Variants in BTNL9 observed in about 807,000 individuals in gnomAD.
The protein encoded by BTNL9 is butyrophilin like 9.
Under a neutral mutation model 45.8 loss-of-function variants are expected in BTNL9, and 45 were observed. The observed-to-expected ratio is 0.98, with a 90% CI of 0.77 to 1.26. BTNL9 has a LOEUF of 1.26. Ranked by LOEUF, BTNL9 falls within the 50% of genes most tolerant of loss-of-function variation. BTNL9 has a pLI of 0.00. For synonymous variants in BTNL9, 346 were observed against 330.8 expected (o/e 1.05, Z -0.50); for missense variants, 784 against 729.7 (o/e 1.07, Z -0.86).
Position 181,060,770 on chromosome 5 carries a change from T to TC in BTNL9, c.*908_*909insC, listed in dbSNP as rs1762112341. On this transcript the variant is annotated 3_prime_UTR_variant, in exon 11 of 11. Coordinates refer to ENST00000327705, the MANE Select transcript of BTNL9 (RefSeq NM_152547.5). ...GACATCTACCAGATCATCCAAGTGA[T>TC]TAAATTTAACATCATCAATGATGGG... is the stretch of plus-strand genomic sequence containing the variant. 6.6e-6 allele frequency: 1 copy of TC among 152,104 alleles called. No homozygotes were observed. The highest frequency in any genetic ancestry group is 2.4e-5 in the African/African-American group (1 of 41,400). The allele number at this position is 152,104 out of a possible 1,614,324, so 9.4% of individuals were successfully genotyped here.
At chr5:181,040,545 A>T (rs1281124985) in intron 1 of BTNL9, 113 bp downstream of exon 1, 1 of 152,204 alleles carries the variant, frequency 6.6e-6, no homozygotes, top group African/African-American at 2.4e-5. Flanking sequence ...CCATTTTATT[A>T]TCCGAGCTTG....
rs758600471 is a variant in BTNL9 at position 181,043,975 on chromosome 5, C to T, written c.-23-1492C>T. Among the ~76,000 whole-genome samples the T allele has an allele frequency of 1.3e-4, 20 of 152,340 alleles. 1 individual carries two copies. The highest frequency in any genetic ancestry group is 4.1e-4 in the South Asian group (2 of 4,832). ...GAGAGGTGTCAACACGGCCCCGCTTCGGGGGGACCCCACCTCCTGTCCTTG... is the reference window on the plus strand; with the variant it reads ...GAGAGGTGTCAACACGGCCCCGCTTTGGGGGGACCCCACCTCCTGTCCTTG... On this transcript the variant is annotated intron_variant, in intron 1 of 10. Coordinates refer to ENST00000327705, the MANE Select transcript of BTNL9 (RefSeq NM_152547.5).
chr5:181,040,756 T>C (rs543945228), intron 1 of BTNL9, among the ~76,000 whole-genome samples: 5 of 152,224 alleles, frequency 3.3e-5, no homozygotes, highest in Non-Finnish European at 7.4e-5. Context: ...CTTGTGGACC[T>C]ATCGAAATCA....
chr5:181,051,471 C>T (rs564808191), intron 4 of BTNL9, among the ~76,000 whole-genome samples: 1 of 152,244 alleles, frequency 6.6e-6, no homozygotes, highest in Admixed American at 6.5e-5. Flanking sequence ...CTGGCAACAC[C>T]GCTTACCACA....
At position 181,059,401 on chromosome 5, in the gene BTNL9, C is replaced by T. The variant is rs753897574; in HGVS notation, c.1147C>T (p.Arg383Cys). The change falls in exon 11 of 11, where the codon CGC (arginine) becomes TGC (cysteine). Residue 383 changes from arginine to cysteine, a missense_variant. Transcript: ENST00000327705. Reference sequence around the variant, plus strand: ...GAGCCTGGAGCGGTTCTCCGCCGGCCGCCACTACTGGGAGGTGCACGTGGG... The same window carrying T: ...GAGCCTGGAGCGGTTCTCCGCCGGCTGCCACTACTGGGAGGTGCACGTGGG... The part of the protein sequence containing the change: ...ALSLERFSAG[R>C]HYWEVHVGRR... 22 of 1,525,508 alleles carry T rather than the reference C, an allele frequency of 1.4e-5. No homozygotes were observed. Among genetic ancestry groups the T allele is most frequent in the South Asian group, 1.1e-4 (9 of 82,328 alleles). The allele number at this position is 1,525,508 out of a possible 1,614,324, so 94.5% of individuals were successfully genotyped here. A position where few individuals can be genotyped will look rare whatever the true frequency, so the allele number is the denominator to read the frequency against.
Position 181,042,223 on chromosome 5 carries a change from A to G in BTNL9, c.-24+1791A>G, listed in dbSNP as rs796531287. Reference sequence around the variant, plus strand: ...CTGTGCCTTCCGGAGGGAGCAGCCCAAGGCTCCTGGGAGGACAAGCAGCAC... The same window carrying G: ...CTGTGCCTTCCGGAGGGAGCAGCCCGAGGCTCCTGGGAGGACAAGCAGCAC... On this transcript the variant is annotated intron_variant, in intron 1 of 10. Coordinates refer to ENST00000327705, the MANE Select transcript of BTNL9 (RefSeq NM_152547.5). This position sits in a 1 kb window ranked among gnomAD's most constrained non-coding sequence, Gnocchi z 4.5. Among the ~76,000 whole-genome samples, 7 of 152,322 alleles carry G rather than the reference A, an allele frequency of 4.6e-5. No individual in the cohort carries two copies. Among genetic ancestry groups the G allele is most frequent in the African/African-American group, 1.7e-4 (7 of 41,582 alleles).
intron 1 of BTNL9, among the ~76,000 whole-genome samples, chr5:181,043,126 A>G (rs1357079370): frequency 1.3e-5 from 2 of 152,128 alleles, no homozygotes; most frequent in African/African-American, 4.8e-5. Flanking sequence ...TGAGGTATAG[A>G]TAAGTGTTTG....
chr5:181,043,232 ATGTGTGTGTCTG>A (rs1269172655), intron 1 of BTNL9, among the ~76,000 whole-genome samples: 1 of 42,556 alleles, frequency 2.3e-5, no homozygotes, highest in East Asian at 4.9e-4. Flanking sequence ...GTGTGTGTCT[ATGTGTGTGTCTG>A]TGTGTGTGTG....
intron 1 of BTNL9, 41 bp from the exon 2 acceptor site, chr5:181,045,426 A>G (rs1306811890): frequency 2.3e-5 from 24 of 1,064,292 alleles, no homozygotes; most frequent in Admixed American, 5.1e-5. Context: ...AGCTCCCCCT[A>G]CCTTTGCACG....
Position 181,042,158 on chromosome 5 carries a change from G to T in BTNL9, c.-24+1726G>T, listed in dbSNP as rs1196039603. Reference sequence around the variant, plus strand: ...AGAAGAAAGAAATGGGCTTTTGCTGGGTGCAGGCAGTGACATTTCTCAGGA... The same window carrying T: ...AGAAGAAAGAAATGGGCTTTTGCTGTGTGCAGGCAGTGACATTTCTCAGGA... On this transcript the variant is annotated intron_variant, in intron 1 of 10. Transcript: ENST00000327705. This position sits in a 1 kb window ranked among gnomAD's most constrained non-coding sequence, Gnocchi z 4.5. Among the ~76,000 whole-genome samples, 3 of 152,110 alleles carry T rather than the reference G, an allele frequency of 2.0e-5. No individual in the cohort carries two copies. The highest frequency in any genetic ancestry group is 4.4e-5 in the Non-Finnish European group (3 of 68,030).
chr5:181,043,178 C>A (rs1760873428), intron 1 of BTNL9, among the ~76,000 whole-genome samples: 1 of 151,948 alleles, frequency 6.6e-6, no homozygotes, highest in Non-Finnish European at 1.5e-5. Context: ...TTATTACTGT[C>A]AGCACGTGTG....
chr5:181,059,941 G>T lies in BTNL9; in HGVS notation c.*79G>T. 7.7e-7 allele frequency: 1 copy of T among 1,297,386 alleles called. No individual in the cohort carries two copies. Among genetic ancestry groups the T allele is most frequent in the Non-Finnish European group, 1.0e-6 (1 of 969,600 alleles). 80.4% of individuals were successfully genotyped at this position (1,297,386 alleles called of 1,614,324 possible). ...AGCGCTTTGCTCTCCTGCTCCGTCT[G>T]AAGGGAGCAGGTGCACCAGCCAAAA... is the stretch of plus-strand genomic sequence containing the variant. On this transcript the variant is annotated 3_prime_UTR_variant, in exon 11 of 11. Coordinates refer to ENST00000327705, the MANE Select transcript of BTNL9 (RefSeq NM_152547.5).
chr5:181,044,462 A>G (rs1371318952), intron 1 of BTNL9, among the ~76,000 whole-genome samples: 1 of 152,166 alleles, frequency 6.6e-6, no homozygotes, highest in African/African-American at 2.4e-5. Flanking sequence ...CCCAGGACGA[A>G]GACAGTGCGT....
chr5:181,058,372 T>C lies in BTNL9; in HGVS notation c.976T>C (p.Tyr326His), dbSNP rs756515245. The change falls in exon 10 of 11, where the codon TAT (tyrosine) becomes CAT (histidine). Residue 326 changes from tyrosine (Y) to histidine (H), a missense_variant. Tyr to His is a moderately conservative substitution (Grantham distance 83, BLOSUM62 2). Coordinates refer to ENST00000327705, the MANE Select transcript of BTNL9 (RefSeq NM_152547.5). ...TTCAGAGTGGAGAGCAGCCCAAAAA[T>C]ATGCAGGTAACTGAAGCCAGGAAAC... ...GQAEWRAAQK[Y>H]AVDVTLDPAS... is the part of the protein sequence containing the mutation. 9 of 1,614,064 alleles carry C rather than the reference T, an allele frequency of 5.6e-6. No homozygotes were observed. Among genetic ancestry groups the C allele is most frequent in the Non-Finnish European group, 7.6e-6 (9 of 1,179,980 alleles).
chr5:181,056,625 C>T (rs950568429), intron 9 of BTNL9: 47 of 717,278 alleles, frequency 6.6e-5, no homozygotes, highest in Non-Finnish European at 1.1e-4. Context: ...TAGTCTCAAA[C>T]GTGTTGCCTT....
chr5:181,051,569 C>T (rs1008737784), intron 4 of BTNL9, among the ~76,000 whole-genome samples: 8 of 152,190 alleles, frequency 5.3e-5, no homozygotes, highest in Non-Finnish European at 4.4e-5. Flanking sequence ...TGTGATACGT[C>T]TAGGGCATAC....
At chr5:181,051,377 C>A (rs1365102847) in intron 4 of BTNL9, among the ~76,000 whole-genome samples, 5 of 152,264 alleles carry the variant, frequency 3.3e-5, no homozygotes, top group Admixed American at 6.5e-5. Context: ...GAAAAAAACT[C>A]CCCCTTTGAT....
At chr5:181,047,859 A>G in intron 2 of BTNL9, 68 bp from the exon 3 acceptor site, 2 of 1,320,990 alleles carry the variant, frequency 1.5e-6, no homozygotes, top group Non-Finnish European at 2.1e-6. Flanking sequence ...TCAGCTATAA[A>G]GGGGTGTGAT....
rs1195792912 is a variant in BTNL9 at position 181,045,652 on chromosome 5, G to A, written c.109+54G>A. ...GATGTGAACGCCACCCCTCCTGCCA[G>A]GTGCTCCCCAGGGCTACGATCTTAG... is the stretch of plus-strand genomic sequence containing the variant. On this transcript the variant is annotated intron_variant, in intron 2 of 10. Coordinates refer to ENST00000327705, the MANE Select transcript of BTNL9 (RefSeq NM_152547.5). The A allele has an allele frequency of 5.0e-6, 7 of 1,408,860 alleles. No individual in the cohort carries two copies. In the South Asian group the frequency reaches 6.9e-5, roughly 14 times the overall value. The allele number at this position is 1,408,860 out of a possible 1,614,324, so 87.3% of individuals were successfully genotyped here.
Sources: gnomAD v4.1 joint callset for allele counts (sites outside exome capture counted in the v4.1 genomes callset) on GRCh38, gnomAD v4.1.1 for gene constraint, Gnocchi (gnomAD v3.1) non-coding constraint, MANE v1.5 for transcripts, NCBI Gene and HGNC (gene_info 2026-07-23, HGNC 2026-07-21) for gene names.